Variants in NLN observed in about 807,000 individuals in gnomAD.
NLN encodes the protein neurolysin, mitochondrial.
Under a neutral mutation model 79.9 loss-of-function variants are expected in NLN, and 64 were observed. The observed-to-expected ratio is 0.80, with a 90% confidence interval of 0.65 to 0.99. The LOEUF is 0.99. Among genes scored for constraint, NLN ranks in the 50% least tolerant of loss-of-function variants. The probability of loss-of-function intolerance (pLI) is 0.00; values close to 1 mark genes in which losing one functional copy is unlikely to be tolerated. For synonymous variants in NLN, 267 were observed against 296.6 expected, an observed-to-expected ratio of 0.90 and a Z score of 1.02; for missense variants, 835 against 858.7, an observed-to-expected ratio of 0.97 and a Z score of 0.34.
intron 3 of NLN, among the ~76,000 whole-genome samples, chr5:65,772,711 T>TTTTG (rs908536560): frequency 3.9e-5 from 6 of 151,954 alleles, no homozygotes; most frequent in Admixed American, 6.6e-5. Context: ...TTGTTTTGTT[T>TTTTG]TTTGTTTGTT....
intron 1 of NLN, among the ~76,000 whole-genome samples, chr5:65,724,680 T>C (rs1257078064): frequency 1.3e-5 from 2 of 152,234 alleles, no homozygotes; most frequent in East Asian, 3.8e-4. Context: ...CTTCAGTGGC[T>C]GTACCATTTT....
chr5:65,782,177 A>G (rs566629957), intron 6 of NLN, among the ~76,000 whole-genome samples: 145 of 152,324 alleles, frequency 9.5e-4, no homozygotes, highest in Non-Finnish European at 1.7e-3. Context: ...CTGCTTTCTC[A>G]TAAGAATTCC....
Position 65,758,556 on chromosome 5 carries a change from A to G in NLN, c.42-11A>G, listed in dbSNP as rs6867583. 3.2e-3 allele frequency: 5,054 copies of G among 1,587,474 alleles called. 116 individuals are homozygous for G. In the African/African-American group the frequency reaches 0.053, roughly 17 times the overall value. On this transcript the variant is annotated splice_polypyrimidine_tract_variant and intron_variant, in intron 1 of 12. Coordinates refer to ENST00000380985, the MANE Select transcript of NLN (RefSeq NM_020726.5). Reference sequence around the variant, plus strand: ...ATCCCTAATTCTTATTCTTTTTCTGATTCTTTTTAGAGTTGGTGGTTCCAG... The same window carrying G: ...ATCCCTAATTCTTATTCTTTTTCTGGTTCTTTTTAGAGTTGGTGGTTCCAG...
chr5:65,765,574 T>C (rs1415415326), intron 3 of NLN, among the ~76,000 whole-genome samples: 1 of 151,752 alleles, frequency 6.6e-6, no homozygotes, highest in Non-Finnish European at 1.5e-5. Flanking sequence ...CTGAGCATGG[T>C]GGTAAGTGCC....
intron 1 of NLN, chr5:65,722,852 A>T (rs899788857): frequency 1.2e-5 from 2 of 161,024 alleles, no homozygotes; most frequent in East Asian, 3.5e-4. Flanking sequence ...TCCACCCGAG[A>T]TGAAACCTCT....
chr5:65,728,179 C>T (rs1758520445), intron 1 of NLN, among the ~76,000 whole-genome samples: 1 of 152,100 alleles, frequency 6.6e-6, no homozygotes, highest in African/African-American at 2.4e-5. Flanking sequence ...TATAATCCAG[C>T]CACCTGGAAC....
chr5:65,795,221 A>T (rs1475443342), intron 9 of NLN, among the ~76,000 whole-genome samples: 1 of 151,992 alleles, frequency 6.6e-6, no homozygotes, highest in Admixed American at 6.6e-5. Context: ...TGGGTGCGGT[A>T]GTGTGGCTAG....
rs2254485 is a variant in NLN, at chr5:65,812,388, A to G, written c.1977A>G (p.Pro659=). 0.7 allele frequency: 1,053,484 copies of G among 1,510,504 alleles called. 370,466 individuals are homozygous for G. The highest frequency in any genetic ancestry group is 0.87 in the African/African-American group (62,669 of 72,370). 93.6% of individuals were successfully genotyped at this position (1,510,504 alleles called of 1,614,324 possible). Residue 659 remains proline (P), a synonymous_variant, in exon 12 of 13, where the codon CCA becomes CCG. Coordinates refer to ENST00000380985, the MANE Select transcript of NLN (RefSeq NM_020726.5). ...SCFKKEGIMN[P]EVGMKYRNLI... ...TTAAAAAAGAAGGGATAATGAATCCAGAGGTATAGTATTATTTTTCTCCTT... is the reference window on the plus strand; with the variant it reads ...TTAAAAAAGAAGGGATAATGAATCCGGAGGTATAGTATTATTTTTCTCCTT...
At chr5:65,754,563 T>C (rs1211275753) in intron 1 of NLN, among the ~76,000 whole-genome samples, 1 of 152,186 alleles carries the variant, frequency 6.6e-6, no homozygotes, top group Non-Finnish European at 1.5e-5. Flanking sequence ...ACCCTTGTCC[T>C]ATGGTAAATA....
Position 65,809,601 on chromosome 5 carries a change from C to T in NLN, c.1614C>T (p.Asp538=), listed in dbSNP as rs765229453. The T allele has an allele frequency of 4.3e-6, 7 of 1,613,680 alleles. No individual in the cohort carries two copies. The highest frequency in any genetic ancestry group is 1.3e-5 in the African/African-American group (1 of 74,902). Residue 538 remains aspartate, a synonymous_variant, in exon 10 of 13, where the codon GAC becomes GAT. Transcript: ENST00000380985. The stretch of plus-strand genomic sequence containing the variant: ...AAATGCTTGAAAATTGGGTGTGGGA[C>T]GTCGATTCCCTCCGAAGATTGTCAA... ...PSQMLENWVW[D]VDSLRRLSKH...
chr5:65,788,082 A>T, intron 7 of NLN, 36 bp from the exon 8 acceptor site: 1 of 1,587,266 alleles, frequency 6.3e-7, no homozygotes, highest in Non-Finnish European at 8.6e-7. Flanking sequence ...TGCTTCCAAA[A>T]GCAAGTAGAT....
intron 4 of NLN, 69 bp downstream of exon 4, chr5:65,777,603 A>G (rs1759707473): frequency 9.7e-7 from 1 of 1,032,792 alleles, no homozygotes; most frequent in Non-Finnish European, 1.5e-6. Flanking sequence ...CTGGTTGAAC[A>G]TCCCTAATCC....
intron 3 of NLN, among the ~76,000 whole-genome samples, chr5:65,763,746 C>T (rs60875560): frequency 0.56 from 84,737 of 151,066 alleles, 24,020 homozygotes; most frequent in South Asian, 0.6. Context: ...ATCCTAATTA[C>T]TTTTTCCTTT....
At chr5:65,814,698 A>T (rs896642183) in intron 12 of NLN, among the ~76,000 whole-genome samples, 1 of 152,174 alleles carries the variant, frequency 6.6e-6, no homozygotes, top group Non-Finnish European at 1.5e-5. Context: ...TGTCCCCAAA[A>T]CAAATAGAAA....
At chr5:65,723,316 G>A (rs140470369) in intron 1 of NLN, among the ~76,000 whole-genome samples, 20 of 152,308 alleles carry the variant, frequency 1.3e-4, no homozygotes, top group African/African-American at 4.6e-4. Context: ...GGAGCTTTGT[G>A]TTGCTCAGTC....
At chr5:65,815,206 C>A (rs1760643912) in intron 12 of NLN, among the ~76,000 whole-genome samples, 1 of 152,184 alleles carries the variant, frequency 6.6e-6, no homozygotes, top group Non-Finnish European at 1.5e-5. Context: ...CTTATGTGAC[C>A]ATATACCCAG....
chr5:65,733,717 G>A, intron 1 of NLN: 5 of 1,267,000 alleles, frequency 3.9e-6, no homozygotes, highest in Non-Finnish European at 5.5e-6. Flanking sequence ...TAAAATCTAG[G>A]ACACAGGTGC....
Position 65,766,562 on chromosome 5 carries a change from C to T in NLN, c.450+3454C>T, listed in dbSNP as rs528089065. ...TTGACATGAGATTTGGGTAGGGACA[C>T]AGCCAAACTTTCATCACACCCCCAG... On this transcript the variant is annotated intron_variant, in intron 3 of 12. Coordinates refer to ENST00000380985, the MANE Select transcript of NLN (RefSeq NM_020726.5). Among the ~76,000 whole-genome samples, 88 of 152,264 alleles carry T rather than the reference C, an allele frequency of 5.8e-4. 1 individual carries two copies. Among genetic ancestry groups the T allele is most frequent in the Non-Finnish European group, 1.1e-3 (73 of 68,004 alleles).
chr5:65,822,889 A>G lies in NLN; in HGVS notation c.2089A>G (p.Met697Val), dbSNP rs1360834247. Residue 697 changes from methionine (M) to valine (V), a missense_variant, in exon 13 of 13, where the codon ATG (methionine) becomes GTG (valine). Physicochemically the swap from Met to Val is conservative, Grantham distance 21. Transcript: ENST00000380985. Reference protein sequence around the residue: ...KREPNQKAFLMSRGLHAP With the variant: ...KREPNQKAFLVSRGLHAP The stretch of plus-strand genomic sequence containing the variant: ...TGAGCCAAACCAAAAAGCGTTCCTA[A>G]TGAGTAGAGGCCTGCATGCTCCGTG... 3.1e-6 allele frequency: 5 copies of G among 1,613,572 alleles called. No homozygotes were observed. Among genetic ancestry groups the G allele is most frequent in the Non-Finnish European group, 4.2e-6 (5 of 1,179,642 alleles).
Sources: gnomAD v4.1 joint callset for allele counts (sites outside exome capture counted in the v4.1 genomes callset) on GRCh38, gnomAD v4.1.1 for gene constraint, MANE v1.5 for transcripts, NCBI Gene and HGNC (gene_info 2026-07-23, HGNC 2026-07-21) for gene names.